Variants in METAP1D observed in about 807,000 individuals in gnomAD.
METAP1D encodes methionyl aminopeptidase type 1D, mitochondrial.
A neutral mutation model predicts 40.5 loss-of-function variants in METAP1D; 31 were observed. That is an observed-to-expected ratio of 0.77 (90% confidence interval 0.58 to 1.03). The LOEUF (loss-of-function observed/expected upper bound fraction) is 1.03, where lower values mean the gene tolerates loss of function less well. METAP1D is among the 50% of genes least tolerant of loss of function. METAP1D has a pLI of 0.00. For synonymous variants in METAP1D, 151 were observed against 146.4 expected (o/e 1.03, Z -0.22); for missense variants, 411 against 420.7 (o/e 0.98, Z 0.20).
In METAP1D at chr2:172,065,724, A is replaced by C. The variant is rs1690261353; in HGVS notation, c.469A>C (p.Asn157His). The stretch of plus-strand genomic sequence containing the variant: ...AAAATCTGTTTGTACCTCTGTAAAC[A>C]ACGTGCTCTGTCATGGTATTCCTGA... Reference protein sequence around the residue: ...FPKSVCTSVNNVLCHGIPDSR... With the variant: ...FPKSVCTSVNHVLCHGIPDSR... The change falls in exon 4 of 10, where the codon AAC (asparagine) becomes CAC (histidine). Residue 157 changes from asparagine (N) to histidine (H), a missense_variant. Transcript: ENST00000315796. The C allele has an allele frequency of 1.2e-6, 2 of 1,613,944 alleles. No individual in the cohort carries two copies. Among genetic ancestry groups the C allele is most frequent in the Non-Finnish European group, 1.7e-6 (2 of 1,179,898 alleles).
rs1574137276 is a variant in METAP1D, at chr2:172,063,838, T to C, written c.326T>C (p.Leu109Pro). ...TGTCAGCTGGCCCGCCACGTCCTCC[T>C]CTTGGCTGGGAAGAGTTTAAAGGTG... ...QACQLARHVL[L>P]LAGKSLKVDM... The change falls in exon 3 of 10, where the codon CTC becomes CCC. Residue 109 changes from leucine to proline, a missense_variant. Leu to Pro is a moderately conservative substitution (Grantham distance 98, BLOSUM62 -3). Coordinates refer to ENST00000315796, the MANE Select transcript of METAP1D (RefSeq NM_199227.3). 1 of 1,613,206 alleles carries C rather than the reference T, an allele frequency of 6.2e-7. No individual in the cohort carries two copies. The highest frequency in any genetic ancestry group is 1.7e-5 in the Admixed American group (1 of 59,848).
At chr2:172,010,303 G>A (rs1332893269) in intron 1 of METAP1D, among the ~76,000 whole-genome samples, 1 of 151,492 alleles carries the variant, frequency 6.6e-6, no homozygotes, top group Non-Finnish European at 1.5e-5. Flanking sequence ...ACCACACCTG[G>A]CTAATTTTTT....
intron 6 of METAP1D, among the ~76,000 whole-genome samples, chr2:172,075,821 C>A (rs950357183): frequency 6.6e-6 from 1 of 152,144 alleles, no homozygotes; most frequent in African/African-American, 2.4e-5. Flanking sequence ...AAGATGTGCT[C>A]AAGCAGGGAA....
chr2:172,007,479 C>T (rs1202995259), intron 1 of METAP1D, among the ~76,000 whole-genome samples: 1 of 152,094 alleles, frequency 6.6e-6, no homozygotes, highest in African/African-American at 2.4e-5. Context: ...TTTTTATTCT[C>T]TGTTAGGATG....
In METAP1D at chr2:172,079,317, C is replaced by T. The variant is rs991018289; in HGVS notation, c.850+55C>T. 41 of 1,580,364 alleles carry T rather than the reference C, an allele frequency of 2.6e-5. 3 individuals carry two copies. The South Asian group carries it at 4.1e-4, about 16-fold the overall frequency. On this transcript the variant is annotated intron_variant, in intron 8 of 9. Transcript: ENST00000315796. ...CGTAGCTCCTGGTGGAAGCTTTTGC[C>T]ACTGGCCTAGGCCCGGCAGTCCGGT...
In METAP1D at chr2:172,044,063, G is replaced by A. The variant is rs1303312718; in HGVS notation, c.41-17435G>A. ...GGCTATGATTGCACCACTGCACTTCGTCTGGGTGACAGAGCAAGACCCTGT... is the reference window on the plus strand; with the variant it reads ...GGCTATGATTGCACCACTGCACTTCATCTGGGTGACAGAGCAAGACCCTGT... On this transcript the variant is annotated intron_variant, in intron 1 of 9. Transcript: ENST00000315796. 2.2e-5 allele frequency among the ~76,000 whole-genome samples: 3 copies of A among 134,382 alleles called. 1 individual carries two copies. The highest frequency in any genetic ancestry group is 5.2e-5 in the Non-Finnish European group (3 of 57,588). The allele number at this position is 134,382 out of a possible 152,430, so 88.2% of individuals were successfully genotyped here.
chr2:172,068,408 T>TA (rs1055058203), intron 5 of METAP1D, among the ~76,000 whole-genome samples: 36 of 151,742 alleles, frequency 2.4e-4, no homozygotes, highest in Non-Finnish European at 4.4e-4. Context: ...AATAAATAAA[T>TA]AAATAAATGA....
intron 1 of METAP1D, among the ~76,000 whole-genome samples, chr2:172,034,136 A>T (rs1461854905): frequency 1.3e-5 from 2 of 151,912 alleles, no homozygotes; most frequent in Non-Finnish European, 2.9e-5. Flanking sequence ...AAATATTTAC[A>T]GTTGAAATTA....
intron 1 of METAP1D, among the ~76,000 whole-genome samples, chr2:172,055,883 G>A (rs563967821): frequency 6.6e-6 from 1 of 152,206 alleles, no homozygotes; most frequent in Non-Finnish European, 1.5e-5. Context: ...TCATGTGTGG[G>A]TGTGTCTGCA....
chr2:172,037,407 C>T (rs1280349551), intron 1 of METAP1D, among the ~76,000 whole-genome samples: 2 of 151,382 alleles, frequency 1.3e-5, no homozygotes, highest in African/African-American at 4.9e-5. Flanking sequence ...ACGCTAGAGA[C>T]CAGAAAAAAA....
chr2:172,075,800 A>G (rs1487554524), intron 6 of METAP1D, among the ~76,000 whole-genome samples: 1 of 152,208 alleles, frequency 6.6e-6, no homozygotes, highest in Non-Finnish European at 1.5e-5. Flanking sequence ...AGCTCCTGAG[A>G]GTCAGGCATT....
chr2:172,043,032 T>C lies in METAP1D; in HGVS notation c.41-18466T>C, dbSNP rs1333041659. 9.0e-5 allele frequency among the ~76,000 whole-genome samples: 7 copies of C among 77,640 alleles called. 2 individuals carry two copies. The highest frequency in any genetic ancestry group is 7.3e-4 in the East Asian group (2 of 2,728). The allele number at this position is 77,640 out of a possible 152,430, so 50.9% of individuals were successfully genotyped here. A position where few individuals can be genotyped will look rare whatever the true frequency, so the allele number is the denominator to read the frequency against. ...GTGTATGTGTACACATATATGTGTA[T>C]ATGTGTACACGTGTACACATATATG... On this transcript the variant is annotated intron_variant, in intron 1 of 9. Coordinates refer to ENST00000315796, the MANE Select transcript of METAP1D (RefSeq NM_199227.3).
rs773711528 is a variant in METAP1D, at chr2:172,080,369, G to T, written c.971G>T (p.Gly324Val). ...CACACGGTTCTGATCACGTCGAGGG[G>T]CGCGCAGATCCTGACCAAACTACCC... ...FEHTVLITSR[G>V]AQILTKLPHE... Residue 324 changes from glycine to valine, a missense_variant, in exon 10 of 10, where the codon GGC becomes GTC. Coordinates refer to ENST00000315796, the MANE Select transcript of METAP1D (RefSeq NM_199227.3). The T allele has an allele frequency of 2.2e-5, 35 of 1,613,930 alleles. No homozygotes were observed. The South Asian group carries it at 3.6e-4, about 17-fold the overall frequency.
chr2:172,012,427 C>T (rs1332722054), intron 1 of METAP1D, among the ~76,000 whole-genome samples: 2 of 152,112 alleles, frequency 1.3e-5, no homozygotes, highest in Non-Finnish European at 2.9e-5. Flanking sequence ...AGCTAGATAG[C>T]AACGTGATGG....
At chr2:172,076,498 C>T (rs776027395) in intron 6 of METAP1D, among the ~76,000 whole-genome samples, 3 of 152,138 alleles carry the variant, frequency 2.0e-5, no homozygotes, top group Admixed American at 6.5e-5. Context: ...TAAAGTACAA[C>T]GTAAGAGATA....
At chr2:172,051,692 G>A (rs958708031) in intron 1 of METAP1D, among the ~76,000 whole-genome samples, 1 of 152,068 alleles carries the variant, frequency 6.6e-6, no homozygotes, top group East Asian at 1.9e-4. Flanking sequence ...CCCCAGAAGC[G>A]CTCTGTGACT....
chr2:172,030,939 T>C (rs1291679487), intron 1 of METAP1D, among the ~76,000 whole-genome samples: 1 of 152,244 alleles, frequency 6.6e-6, no homozygotes, highest in Non-Finnish European at 1.5e-5. Context: ...TTAGGTATGA[T>C]AATGATAATT....
intron 1 of METAP1D, among the ~76,000 whole-genome samples, chr2:172,010,192 G>A (rs1688678771): frequency 6.7e-6 from 1 of 149,818 alleles, no homozygotes; most frequent in South Asian, 2.1e-4. Context: ...CCAGGCTGGA[G>A]TGCAGTGGCG....
chr2:172,050,065 A>G (rs557813199), intron 1 of METAP1D, among the ~76,000 whole-genome samples: 40 of 152,208 alleles, frequency 2.6e-4, no homozygotes, highest in Non-Finnish European at 4.3e-4. Context: ...TGATACTACA[A>G]TTTTGGTCAA....
Sources: allele counts gnomAD v4.1 joint callset (sites outside exome capture counted in the v4.1 genomes callset), GRCh38; gene constraint gnomAD v4.1.1; transcripts MANE v1.5; gene names NCBI Gene and HGNC (gene_info 2026-07-23, HGNC 2026-07-21).